SCMH1: variants seen among roughly 807,000 people sequenced by gnomAD.
The protein encoded by SCMH1 is Scm polycomb group protein homolog 1.
In SCMH1, 37 loss-of-function variants were observed where a neutral mutation model predicts 70.8. The ratio of observed to expected loss-of-function variants is 0.52; its 90% CI spans 0.40 to 0.69. The LOEUF (loss-of-function observed/expected upper bound fraction) is 0.69, where lower values mean the gene tolerates loss of function less well. Ranked by LOEUF, SCMH1 falls within the 30% of genes least tolerant of loss-of-function variation. The pLI, the probability that SCMH1 is intolerant of heterozygous loss-of-function variation, is 0.00. For missense variants in SCMH1, 607 were observed against 827.3 expected (o/e 0.73, Z 3.27); for synonymous variants, 292 against 307.4 (o/e 0.95, Z 0.52).
intron 1 of SCMH1, among the ~76,000 whole-genome samples, chr1:41,194,344 G>T (rs1367666071): frequency 6.6e-6 from 1 of 152,052 alleles, no homozygotes; most frequent in Non-Finnish European, 1.5e-5. Context: ...TCTGATTTTT[G>T]CATGGTTCAG....
chr1:41,123,769 T>A (rs11809040), intron 6 of SCMH1, among the ~76,000 whole-genome samples: 16,214 of 152,228 alleles, frequency 0.11, 989 homozygotes, highest in South Asian at 0.18. Context: ...ACTACATGTT[T>A]TATCCTTGGA....
chr1:41,138,389 T>A (rs1407243739), intron 6 of SCMH1, among the ~76,000 whole-genome samples: 1 of 152,196 alleles, frequency 6.6e-6, no homozygotes, highest in African/African-American at 2.4e-5. Flanking sequence ...TATCTTCTTT[T>A]GGGTTTTCAG....
intron 10 of SCMH1, among the ~76,000 whole-genome samples, chr1:41,049,469 G>A (rs79162103): frequency 0.059 from 8,978 of 151,284 alleles, 354 homozygotes; most frequent in South Asian, 0.11. Flanking sequence ...AAAAAAAATT[G>A]GATTAAAAAA....
chr1:41,233,329 A>G (rs1378847522), intron 1 of SCMH1, among the ~76,000 whole-genome samples: 1 of 152,200 alleles, frequency 6.6e-6, no homozygotes, highest in Non-Finnish European at 1.5e-5. Context: ...TTAGAATATC[A>G]TCCCATTCTG....
intron 1 of SCMH1, among the ~76,000 whole-genome samples, chr1:41,200,497 GTAA>G (rs144049265): frequency 1.6e-4 from 24 of 146,264 alleles, no homozygotes; most frequent in Middle Eastern, 3.6e-3. Context: ...ATAAATAAAT[GTAA>G]TAATAATAAT....
At chr1:41,205,717 G>C (rs750282159) in intron 1 of SCMH1, among the ~76,000 whole-genome samples, 1 of 152,196 alleles carries the variant, frequency 6.6e-6, no homozygotes, top group Non-Finnish European at 1.5e-5. Flanking sequence ...ATCCCTGTCT[G>C]ATAGCTTGAA....
chr1:41,156,826 A>AGAACATACT (rs1572697075), intron 4 of SCMH1, among the ~76,000 whole-genome samples: 1 of 151,992 alleles, frequency 6.6e-6, no homozygotes, highest in Admixed American at 6.6e-5. Flanking sequence ...TCCTCTAGAA[A>AGAACATACT]GAACATACTG....
chr1:41,099,851 A>G (rs1666096770), intron 8 of SCMH1, among the ~76,000 whole-genome samples: 1 of 152,204 alleles, frequency 6.6e-6, no homozygotes, highest in Non-Finnish European at 1.5e-5. Context: ...AGGACCTTGT[A>G]TGGGCTTGCT....
At chr1:41,214,061 C>T (rs1657600349) in intron 1 of SCMH1, among the ~76,000 whole-genome samples, 2 of 152,098 alleles carry the variant, frequency 1.3e-5, no homozygotes, top group Non-Finnish European at 1.5e-5. Flanking sequence ...AATCTAAGAG[C>T]TAGATGGTAC....
chr1:41,230,752 T>A (rs1041617717), intron 1 of SCMH1, among the ~76,000 whole-genome samples: 9 of 152,080 alleles, frequency 5.9e-5, no homozygotes, highest in African/African-American at 1.9e-4. Flanking sequence ...CTGGCAACAA[T>A]GAGTAAGTAT....
chr1:41,141,958 A>G (rs1195242170), intron 6 of SCMH1, among the ~76,000 whole-genome samples: 1 of 152,240 alleles, frequency 6.6e-6, no homozygotes, highest in Non-Finnish European at 1.5e-5. Context: ...TGACAGAGAC[A>G]TACTAAATAC....
intron 8 of SCMH1, chr1:41,099,121 T>G: frequency 4.3e-6 from 1 of 235,268 alleles, no homozygotes; most frequent in Admixed American, 4.0e-5. Flanking sequence ...CCAACAAAAC[T>G]GGGATTATCT....
chr1:41,070,590 C>T lies in SCMH1; in HGVS notation c.1105+5G>A. 6.2e-7 allele frequency: 1 copy of T among 1,614,104 alleles called. No homozygotes were observed. Among genetic ancestry groups the T allele is most frequent in the Non-Finnish European group, 8.5e-7 (1 of 1,179,972 alleles). On this transcript the variant is annotated splice_donor_5th_base_variant and intron_variant, in intron 10 of 14. Transcript: ENST00000337495. ...TGCGCAGGTAGTCCTGTCATCTGCT[C>T]TTACCTGTTGGGGCCTGCATGGCTG...
rs138035986 is a variant in SCMH1, at chr1:41,159,864, A to G, written c.106+1011T>C. ...AATGAAAATCATAATAATCCTCCAA[A>G]GTTGAAAAGTATTTGAGAGTTTTTA... On this transcript the variant is annotated intron_variant, in intron 4 of 14. Coordinates refer to ENST00000337495, the Ensembl canonical transcript of SCMH1. 71 of 1,300,670 alleles carry G rather than the reference A, an allele frequency of 5.5e-5. No individual in the cohort carries two copies. The African/African-American group carries it at 9.2e-4, about 17-fold the overall frequency. The allele number at this position is 1,300,670 out of a possible 1,614,324, so 80.6% of individuals were successfully genotyped here. A position where few individuals can be genotyped will look rare whatever the true frequency, so the allele number is the denominator to read the frequency against.
chr1:41,067,832 A>T lies in SCMH1; in HGVS notation c.1105+2763T>A, dbSNP rs530305628. Among the ~76,000 whole-genome samples, 12 of 152,360 alleles carry T rather than the reference A, an allele frequency of 7.9e-5. No individual in the cohort carries two copies. The South Asian group carries it at 2.5e-3, about 32-fold the overall frequency. ...GATAATAACGAGTCAATGTAAATTC[A>T]TCAATTCTAAGAAATGTACCACTCT... On this transcript the variant is annotated intron_variant, in intron 10 of 14. Coordinates refer to ENST00000337495, the Ensembl canonical transcript of SCMH1.
chr1:41,162,328 T>C (rs967990581), intron 2 of SCMH1, among the ~76,000 whole-genome samples: 6 of 152,028 alleles, frequency 3.9e-5, no homozygotes, highest in Admixed American at 3.3e-4. Context: ...AGGAGGCAGA[T>C]AGGTTCCTAA....
intron 1 of SCMH1, among the ~76,000 whole-genome samples, chr1:41,209,810 C>CAAGG: frequency 6.7e-6 from 1 of 149,866 alleles, no homozygotes; most frequent in East Asian, 2.0e-4. Flanking sequence ...CTGGCACAAG[C>CAAGG]ATGCCCTCTC....
At position 41,152,844 on chromosome 1, in the gene SCMH1, G is replaced by C. The variant is rs990054864; in HGVS notation, c.107-1160C>G. ...ATTTTATAGCTTCTGTTTTATAACT[G>C]GTTCCTTTCCCACTACCCTTAACTA... On this transcript the variant is annotated intron_variant, in intron 4 of 14. Transcript: ENST00000337495. 7.4e-6 allele frequency: 9 copies of C among 1,214,096 alleles called. No individual in the cohort carries two copies. The African/African-American group carries it at 1.1e-4, about 15-fold the overall frequency. 75.2% of individuals were successfully genotyped at this position (1,214,096 alleles called of 1,614,324 possible).
chr1:41,059,094 G>A (rs779518629), intron 10 of SCMH1, among the ~76,000 whole-genome samples: 8 of 152,180 alleles, frequency 5.3e-5, no homozygotes, highest in African/African-American at 1.7e-4. Flanking sequence ...CGTAATGCTA[G>A]TAACAGCTAT....
Sources: gnomAD v4.1 joint callset for allele counts (sites outside exome capture counted in the v4.1 genomes callset) on GRCh38, gnomAD v4.1.1 for gene constraint, MANE v1.5 for transcripts, NCBI Gene and HGNC (gene_info 2026-07-23, HGNC 2026-07-21) for gene names.